The following STARD8 variants were observed in gnomAD, a reference collection of about 807,000 sequenced individuals.
STARD8 encodes the protein stAR-related lipid transfer protein 8.
Under a neutral mutation model 69.4 loss-of-function variants are expected in STARD8, and 25 were observed. The ratio of observed to expected loss-of-function variants is 0.36; its 90% CI spans 0.26 to 0.50. The LOEUF is 0.50. Ranked by LOEUF, STARD8 falls within the 20% of genes least tolerant of loss-of-function variation. The pLI is 0.96. For synonymous variants in STARD8, 389 were observed against 374.6 expected, an observed-to-expected ratio of 1.04 and a Z score of -0.45; for missense variants, 921 against 932.5, an observed-to-expected ratio of 0.99 and a Z score of 0.16.
At chrX:68,676,267 G>A (rs1005696987) in intron 2 of STARD8, among the ~76,000 whole-genome samples, 5 of 111,713 alleles carry the variant, frequency 4.5e-5, no homozygotes, top group African/African-American at 6.5e-5. Context: ...AAACTGGCCC[G>A]GCTCGCCTGA....
chrX:68,683,844 G>T (rs1355923326), intron 2 of STARD8, among the ~76,000 whole-genome samples: 6 of 111,670 alleles, frequency 5.4e-5, no homozygotes, highest in African/African-American at 1.6e-4. Flanking sequence ...ACTCTCAAGG[G>T]GGTCCAATCA....
intron 2 of STARD8, among the ~76,000 whole-genome samples, chrX:68,706,265 C>T (rs1255902200): frequency 2.7e-5 from 3 of 111,840 alleles, no homozygotes; most frequent in Non-Finnish European, 5.7e-5. Flanking sequence ...CGGTGCCCCT[C>T]CTGTGAGGTT....
At chrX:68,649,183 T>C (rs932914723) in intron 1 of STARD8, among the ~76,000 whole-genome samples, 20 of 111,397 alleles carry the variant, frequency 1.8e-4, no homozygotes, top group Admixed American at 9.5e-5. Context: ...GGAGGTCACA[T>C]TTGGGCTGAG....
chrX:68,698,837 C>A (rs2079943297), intron 2 of STARD8, among the ~76,000 whole-genome samples: 1 of 111,406 alleles, frequency 9.0e-6, no homozygotes, highest in Non-Finnish European at 1.9e-5. Flanking sequence ...CAGGCAGACT[C>A]AGTGGTCTGT....
chrX:68,692,045 T>C (rs766563871), intron 2 of STARD8, among the ~76,000 whole-genome samples: 7 of 112,114 alleles, frequency 6.2e-5, no homozygotes, highest in African/African-American at 2.3e-4. Context: ...AGGACCCCAC[T>C]TTTTGTCCTT....
chrX:68,697,536 G>T (rs779602514), intron 2 of STARD8, among the ~76,000 whole-genome samples: 1 of 112,377 alleles, frequency 8.9e-6, no homozygotes, highest in Non-Finnish European at 1.9e-5. Context: ...GCAGGTCTGG[G>T]AGAATTCTGG....
chrX:68,710,209 C>G (rs924838837), intron 2 of STARD8, among the ~76,000 whole-genome samples: 1 of 112,307 alleles, frequency 8.9e-6, no homozygotes, highest in Non-Finnish European at 1.9e-5. Context: ...CCTCAGTAGG[C>G]CTTATACTGT....
chrX:68,685,825 C>T (rs2079827922), intron 2 of STARD8, among the ~76,000 whole-genome samples: 1 of 112,556 alleles, frequency 8.9e-6, no homozygotes, highest in Admixed American at 9.3e-5. Flanking sequence ...CCCAGCTGGT[C>T]GGTTGCTCAG....
chrX:68,687,339 A>T (rs752696107), intron 2 of STARD8, among the ~76,000 whole-genome samples: 1 of 111,329 alleles, frequency 9.0e-6, no homozygotes, highest in East Asian at 2.9e-4. Context: ...AAAAATTGAA[A>T]AAAAAGTTTT....
At chrX:68,677,754 G>C (rs957180056) in intron 2 of STARD8, among the ~76,000 whole-genome samples, 4 of 110,918 alleles carry the variant, frequency 3.6e-5, no homozygotes, top group Non-Finnish European at 5.7e-5. Flanking sequence ...TGCAACTCTT[G>C]TTTCACCCCC....
At chrX:68,706,559 G>A (rs2080008641) in intron 2 of STARD8, among the ~76,000 whole-genome samples, 1 of 112,261 alleles carries the variant, frequency 8.9e-6, no homozygotes, top group Non-Finnish European at 1.9e-5. Context: ...AGGTGGCATA[G>A]CCAGTCAGCC....
intron 2 of STARD8, chrX:68,693,704 G>A (rs1212171572): frequency 6.6e-6 from 5 of 753,672 alleles, no homozygotes; most frequent in Non-Finnish European, 7.8e-6. Flanking sequence ...GGCTGGCACC[G>A]TCACCCCTGC....
intron 2 of STARD8, among the ~76,000 whole-genome samples, chrX:68,686,253 G>A (rs12833219): frequency 7.3e-5 from 8 of 109,115 alleles, no homozygotes; most frequent in Admixed American, 6.7e-4. Flanking sequence ...AGGTGGGGGC[G>A]TGGAACTTTC....
intron 9 of STARD8, among the ~76,000 whole-genome samples, 181 bp downstream of exon 9, chrX:68,721,303 A>G (rs1262599454): frequency 9.0e-6 from 1 of 111,645 alleles, no homozygotes; most frequent in Non-Finnish European, 1.9e-5. Flanking sequence ...CCCCAAACCC[A>G]TTATATGGAA....
In STARD8 at chrX:68,718,711, G is replaced by T. The variant is rs766998392; in HGVS notation, c.1715+82G>T. 9.5e-5 allele frequency: 105 copies of T among 1,103,883 alleles called. No homozygotes were observed. In the South Asian group the frequency reaches 2.2e-3, roughly 24 times the overall value. 91.0% of individuals were successfully genotyped at this position (1,103,883 alleles called of 1,213,427 possible). A position where few individuals can be genotyped will look rare whatever the true frequency, so the allele number is the denominator to read the frequency against. ...CTGAAGCTGATTTCTCAGTCATGAGGCCCAGGGCTAAGTGCTTGGCGGCTG... is the reference window on the plus strand; with the variant it reads ...CTGAAGCTGATTTCTCAGTCATGAGTCCCAGGGCTAAGTGCTTGGCGGCTG... On this transcript the variant is annotated intron_variant, in intron 6 of 14. Transcript: ENST00000374599.
In STARD8 at chrX:68,720,433, C is replaced by A; in HGVS notation, c.2049+10C>A. ...CCAGTGCCTGGACCAAGTGAGCCCT[C>A]GTGGGGCAGCCTGCCGGGAGATGGT... On this transcript the variant is annotated intron_variant, in intron 8 of 14. Coordinates refer to ENST00000374599, the MANE Select transcript of STARD8 (RefSeq NM_001142503.3). The A allele has an allele frequency of 8.6e-7, 1 of 1,159,408 alleles. No homozygotes were observed. The highest frequency in any genetic ancestry group is 3.1e-5 in the East Asian group (1 of 32,056).
chrX:68,719,209 C>G lies in STARD8; in HGVS notation c.1716-16C>G. On this transcript the variant is annotated splice_polypyrimidine_tract_variant and intron_variant, in intron 6 of 14. Transcript: ENST00000374599. ...CTCCTCTGGGCTTCTCCACCCCTCT[C>G]ACCGCCCCCCACCAGGAAGCTCCGT... 1 of 1,167,849 alleles carries G rather than the reference C, an allele frequency of 8.6e-7. No individual in the cohort carries two copies. The highest frequency in any genetic ancestry group is 1.1e-6 in the Non-Finnish European group (1 of 871,959).
In STARD8 at chrX:68,688,795, C is replaced by T. The variant is rs1392356501; in HGVS notation, c.79+23263C>T. 7.6e-4 allele frequency among the ~76,000 whole-genome samples: 79 copies of T among 103,801 alleles called. 1 individual carries two copies. The highest frequency in any genetic ancestry group is 2.6e-3 in the African/African-American group (75 of 28,567). The allele number at this position is 103,801 out of a possible 115,157, so 90.1% of individuals were successfully genotyped here. ...ACCCTTCCTTTTTCTCACTTTCCTC[C>T]CCTGGCCCCAGGTACCCCCCATCCT... On this transcript the variant is annotated intron_variant, in intron 2 of 14. Transcript: ENST00000374599.
At chrX:68,689,186 G>A (rs907168686) in intron 2 of STARD8, among the ~76,000 whole-genome samples, 2 of 105,592 alleles carry the variant, frequency 1.9e-5, no homozygotes, top group African/African-American at 7.0e-5. Context: ...GTGGGGCACC[G>A]GGGTGGACAT....
Sources: allele counts gnomAD v4.1 joint callset (sites outside exome capture counted in the v4.1 genomes callset), GRCh38; gene constraint gnomAD v4.1.1; transcripts MANE v1.5; gene names NCBI Gene and HGNC (gene_info 2026-07-23, HGNC 2026-07-21).